LRRC61: variants seen among roughly 807,000 people sequenced by gnomAD.
LRRC61 encodes the protein leucine rich repeat containing 61.
LRRC61 carries 9 observed loss-of-function variants against 15.1 expected under a neutral mutation model. The observed-to-expected ratio is 0.60, with a 90% CI of 0.36 to 1.04. LRRC61 has a LOEUF of 1.04. LRRC61 is among the 50% of genes least tolerant of loss of function. The pLI, the probability that LRRC61 is intolerant of heterozygous loss-of-function variation, is 0.01. For missense variants in LRRC61, 344 were observed against 335.6 expected (o/e 1.03, Z -0.20); for synonymous variants, 173 against 158.6 (o/e 1.09, Z -0.68).
Position 150,333,269 on chromosome 7 carries a change from G to A in LRRC61, c.-144-3449G>A, listed in dbSNP as rs181885441. Among the ~76,000 whole-genome samples the A allele has an allele frequency of 1.6e-4, 24 of 152,298 alleles. No individual in the cohort carries two copies. The highest frequency in any genetic ancestry group is 2.0e-4 in the Admixed American group (3 of 15,300). On this transcript the variant is annotated intron_variant, in intron 2 of 2. Transcript: ENST00000359623. The surrounding 1 kb of genome is among the most constrained non-coding windows in gnomAD (Gnocchi z 4.3). ...GCTCTAGAACCTTCACTTTCATCTA[G>A]GCGCAGTTTTGTCCCCCAGTGGACA...
intron 1 of LRRC61, chr7:150,323,788 G>C: frequency 4.5e-6 from 2 of 439,818 alleles, no homozygotes; most frequent in East Asian, 1.6e-4. Flanking sequence ...ACAATCTCAT[G>C]AGGCGGGTGC....
rs1176778242 is a variant in LRRC61 at position 150,337,303 on chromosome 7, G to A, written c.442G>A (p.Ala148Thr). The change falls in exon 3 of 3, where the codon GCT becomes ACT. Residue 148 changes from alanine (A) to threonine (T), a missense_variant. Coordinates refer to ENST00000359623, the MANE Select transcript of LRRC61 (RefSeq NM_001142928.2). Reference protein sequence around the residue: ...NPLCANPSYWAAVRELLPGLK... With the variant: ...NPLCANPSYWTAVRELLPGLK... ...GCTCTGTGCCAACCCCTCCTACTGG[G>A]CTGCAGTCCGGGAGCTGCTGCCTGG... The A allele has an allele frequency of 1.2e-5, 20 of 1,603,592 alleles. No individual in the cohort carries two copies. Among genetic ancestry groups the A allele is most frequent in the Admixed American group, 3.3e-5 (2 of 60,028 alleles).
At chr7:150,331,411 C>T (rs1350770406) in intron 2 of LRRC61, 3 of 329,258 alleles carry the variant, frequency 9.1e-6, no homozygotes, top group Non-Finnish European at 1.7e-5. Flanking sequence ...GCATCCTGGG[C>T]GCCACATGCT....
chr7:150,316,966 T>G, the LRRC61 span, among the ~76,000 whole-genome samples: 10 of 152,168 alleles, frequency 6.6e-5, no homozygotes, highest in African/African-American at 1.2e-4. Context: ...AAAGTTTTGG[T>G]TTTTTTTCAC....
At position 150,330,980 on chromosome 7, in the gene LRRC61, C is replaced by T. The variant is rs763881879; in HGVS notation, c.-145+4970C>T. 3.1e-6 allele frequency: 5 copies of T among 1,611,926 alleles called. No homozygotes were observed. The highest frequency in any genetic ancestry group is 2.2e-5 in the East Asian group (1 of 44,890). On this transcript the variant is annotated intron_variant, in intron 2 of 2. Coordinates refer to ENST00000359623, the MANE Select transcript of LRRC61 (RefSeq NM_001142928.2). This position sits in a 1 kb window ranked among gnomAD's most constrained non-coding sequence, Gnocchi z 4.6. ...CGCTGTCCACCAAGAGCCACTGGGC[C>T]AGCATCATTGTCAAGAAGTATCTGT... is the stretch of plus-strand genomic sequence containing the variant.
chr7:150,337,682 C>A lies in LRRC61; in HGVS notation c.*41C>A, dbSNP rs1798354675. On this transcript the variant is annotated 3_prime_UTR_variant, in exon 3 of 3. Coordinates refer to ENST00000359623, the MANE Select transcript of LRRC61 (RefSeq NM_001142928.2). ...CAGGACAGCCTGGCAGGTGGCCTCG[C>A]TGCCCCCAGTTCCCCTCTCTGCCCC... 4 of 1,511,248 alleles carry A rather than the reference C, an allele frequency of 2.6e-6. No individual in the cohort carries two copies. The highest frequency in any genetic ancestry group is 3.5e-6 in the Non-Finnish European group (4 of 1,132,284). 93.6% of individuals were successfully genotyped at this position (1,511,248 alleles called of 1,614,324 possible).
rs1471924923 is a variant in LRRC61, at chr7:150,337,617, C to A, written c.756C>A (p.Gly252=). ...AQAEQVLSSA[G]PTSSFVF is the part of the protein sequence containing the mutation. ...CGGAGCAGGTACTCAGCTCTGCGGG[C>A]CCCACCTCTTCCTTCGTCTTCTGAA... is the stretch of plus-strand genomic sequence containing the variant. The change falls in exon 3 of 3, where the codon GGC becomes GGA. Residue 252 remains glycine, a synonymous_variant. Coordinates refer to ENST00000359623, the MANE Select transcript of LRRC61 (RefSeq NM_001142928.2). 1 of 1,532,308 alleles carries A rather than the reference C, an allele frequency of 6.5e-7. No individual in the cohort carries two copies. The highest frequency in any genetic ancestry group is 1.3e-5 in the South Asian group (1 of 78,264). The allele number at this position is 1,532,308 out of a possible 1,614,324, so 94.9% of individuals were successfully genotyped here.
Position 150,336,882 on chromosome 7 carries a change from G to A in LRRC61, c.21G>A (p.Lys7=). The A allele has an allele frequency of 6.2e-7, 1 of 1,613,324 alleles. No homozygotes were observed. Among genetic ancestry groups the A allele is most frequent in the Non-Finnish European group, 8.5e-7 (1 of 1,179,656 alleles). ...ATCTCATGGACCCTCCAGCGGAGAA[G>A]CCGGGAGAGGCTGGCGGACTGCAGA... MDPPAE[K]PGEAGGLQIT... Residue 7 remains lysine (K), a synonymous_variant, in exon 3 of 3, where the codon AAG becomes AAA. Coordinates refer to ENST00000359623, the MANE Select transcript of LRRC61 (RefSeq NM_001142928.2).
chr7:150,327,467 A>G (rs959319956), intron 2 of LRRC61, among the ~76,000 whole-genome samples: 13 of 152,176 alleles, frequency 8.5e-5, no homozygotes, highest in Admixed American at 3.9e-4. Flanking sequence ...CTAGCAGTAA[A>G]CATGGGGTTA....
rs1798257044 is a variant in LRRC61, at chr7:150,335,396, A to C, written c.-144-1322A>C. ...AAAAGAGAATGAGCTGGAATGTTGC[A>C]GACTAGAAGGGAGCTAGATAAGGAA... On this transcript the variant is annotated intron_variant, in intron 2 of 2. Transcript: ENST00000359623. The surrounding 1 kb of genome is among the most constrained non-coding windows in gnomAD (Gnocchi z 4.3). Among the ~76,000 whole-genome samples the C allele has an allele frequency of 6.6e-6, 1 of 152,252 alleles. No homozygotes were observed. The highest frequency in any genetic ancestry group is 1.5e-5 in the Non-Finnish European group (1 of 68,036).
At chr7:150,336,467 A>G (rs1194198477) in intron 2 of LRRC61, among the ~76,000 whole-genome samples, 1 of 152,226 alleles carries the variant, frequency 6.6e-6, no homozygotes, top group African/African-American at 2.4e-5. Context: ...AGAACTGGTA[A>G]TATTGGGCCT....
upstream of LRRC61, chr7:150,323,000 C>A (rs564366436): frequency 7.8e-5 from 12 of 153,048 alleles, no homozygotes; most frequent in South Asian, 1.8e-3. Flanking sequence ...GTGCAGGGGG[C>A]CTTGGGTGCC....
chr7:150,322,905 T>C (rs1585033785), upstream of LRRC61: 2 of 152,256 alleles, frequency 1.3e-5, no homozygotes, highest in East Asian at 3.9e-4. Flanking sequence ...TGGATCCTTA[T>C]CGTCTTTGTG....
chr7:150,336,574 G>T (rs981037989), intron 2 of LRRC61, 144 bp from the exon 3 acceptor site: 17 of 497,482 alleles, frequency 3.4e-5, no homozygotes, highest in African/African-American at 2.5e-4. Flanking sequence ...GATGGCTTTT[G>T]TGGCCTGTGT....
chr7:150,336,048 G>C (rs892831474), intron 2 of LRRC61, among the ~76,000 whole-genome samples: 1 of 152,196 alleles, frequency 6.6e-6, no homozygotes, highest in Non-Finnish European at 1.5e-5. Context: ...AGTGAAGTGA[G>C]AGCAAGGGTG....
At chr7:150,332,469 C>G (rs552228034) in intron 2 of LRRC61, 25 of 167,222 alleles carry the variant, frequency 1.5e-4, no homozygotes, top group Non-Finnish European at 1.9e-4. Flanking sequence ...AGCCTGTTCC[C>G]TTGCCTCTCC....
chr7:150,314,061 C>T, the LRRC61 span, among the ~76,000 whole-genome samples: 1 of 152,192 alleles, frequency 6.6e-6, no homozygotes, highest in African/African-American at 2.4e-5. Context: ...TGAGCTTCTG[C>T]ATCTAGTCTA....
chr7:150,328,547 G>A (rs1484559867), intron 2 of LRRC61: 2 of 152,320 alleles, frequency 1.3e-5, no homozygotes, highest in African/African-American at 2.4e-5. Context: ...CCCTGAACAC[G>A]TTCTATCGTG....
At chr7:150,313,324 G>A in the LRRC61 span, among the ~76,000 whole-genome samples, 1 of 152,182 alleles carries the variant, frequency 6.6e-6, no homozygotes, top group African/African-American at 2.4e-5. Context: ...GGGGTGGGTG[G>A]GGGTGTTCCA....
Sources: gnomAD v4.1 joint callset for allele counts (sites outside exome capture counted in the v4.1 genomes callset) on GRCh38, gnomAD v4.1.1 for gene constraint, Gnocchi (gnomAD v3.1) non-coding constraint, MANE v1.5 for transcripts, NCBI Gene and HGNC (gene_info 2026-07-23, HGNC 2026-07-21) for gene names.